The following CCNA1 variants were observed in gnomAD, a reference collection of about 807,000 sequenced individuals.
The protein encoded by CCNA1 is cyclin A1.
CCNA1 carries 23 observed loss-of-function variants against 54.1 expected under a neutral mutation model. The observed-to-expected ratio is 0.42, with a 90% CI of 0.31 to 0.60. The LOEUF (loss-of-function observed/expected upper bound fraction) is 0.60. Among genes scored for constraint, CCNA1 ranks in the 20% least tolerant of loss-of-function variants. The pLI, the probability that CCNA1 is intolerant of heterozygous loss-of-function variation, is 0.14. For missense variants in CCNA1, 450 were observed against 556.7 expected (o/e 0.81, Z 1.93); for synonymous variants, 208 against 213.9 (o/e 0.97, Z 0.24).
intron 4 of CCNA1, among the ~76,000 whole-genome samples, chr13:36,438,419 C>T (rs572951107): frequency 6.6e-6 from 1 of 152,180 alleles, no homozygotes; most frequent in Admixed American, 6.5e-5. Context: ...AGGAATAATT[C>T]ATATTGCCAT....
At position 36,432,514 on chromosome 13, in the gene CCNA1, A is replaced by G. The variant is rs1372314992; in HGVS notation, c.-108A>G. On this transcript the variant is annotated 5_prime_UTR_variant, in exon 1 of 9. Transcript: ENST00000255465. ...CTTGCCAGTTGTTCCGGACACATAG[A>G]AAGATAACGACGGGAAGAGCGGGGC... 1 of 656,424 alleles carries G rather than the reference A, an allele frequency of 1.5e-6. No homozygotes were observed. Among genetic ancestry groups the G allele is most frequent in the Non-Finnish European group, 2.7e-6 (1 of 376,498 alleles). 40.7% of individuals were successfully genotyped at this position (656,424 alleles called of 1,614,324 possible).
At position 36,432,706 on chromosome 13, in the gene CCNA1, G is replaced by T; in HGVS notation, c.85G>T (p.Gly29Trp). ...AGAGTATCTCAGCTGGGAAGGACCGGGGCTCCCAGATTTCGTCTTCCAGGT... is the reference window on the plus strand; with the variant it reads ...AGAGTATCTCAGCTGGGAAGGACCGTGGCTCCCAGATTTCGTCTTCCAGGT... The change falls in exon 1 of 9, where the codon GGG becomes TGG. Residue 29 changes from glycine (G) to tryptophan (W), a missense_variant. Physicochemically the swap from Gly to Trp is radical, Grantham distance 184 (BLOSUM62 -2). This residue lies in a region of CCNA1 where 103 missense variants were observed against 100.9 expected (regional missense o/e 1.02). Coordinates refer to ENST00000255465, the MANE Select transcript of CCNA1 (RefSeq NM_003914.4). 1 of 1,611,746 alleles carries T rather than the reference G, an allele frequency of 6.2e-7. No individual in the cohort carries two copies. The highest frequency in any genetic ancestry group is 2.2e-5 in the East Asian group (1 of 44,846).
rs767819747 is a variant in CCNA1, at chr13:36,440,054, A to G, written c.969A>G (p.Gln323=). 4 of 1,613,728 alleles carry G rather than the reference A, an allele frequency of 2.5e-6. No homozygotes were observed. In the African/African-American group the frequency reaches 4.0e-5, roughly 16 times the overall value. Residue 323 remains glutamine, a synonymous_variant, in exon 6 of 9, where the codon CAA becomes CAG. Coordinates refer to ENST00000255465, the MANE Select transcript of CCNA1 (RefSeq NM_003914.4). ...CCGATGATACATACACAAAACGACAACTGTTAAAAATGGAACACTTGCTTC... is the reference window on the plus strand; with the variant it reads ...CCGATGATACATACACAAAACGACAGCTGTTAAAAATGGAACACTTGCTTC...
rs1272708294 is a variant in CCNA1, at chr13:36,440,017, T to C, written c.932T>C (p.Phe311Ser). ...ATATATCCTCCTGAAGTAGACGAGT[T>C]TGTCTATATCACCGATGATACATAC... The change falls in exon 6 of 9, where the codon TTT (phenylalanine) becomes TCT (serine). Residue 311 changes from phenylalanine (F) to serine (S), a missense_variant. Physicochemically the swap from Phe to Ser is radical, Grantham distance 155 (BLOSUM62 -2). Coordinates refer to ENST00000255465, the MANE Select transcript of CCNA1 (RefSeq NM_003914.4). 1.2e-6 allele frequency: 2 copies of C among 1,613,154 alleles called. No individual in the cohort carries two copies. The highest frequency in any genetic ancestry group is 1.7e-6 in the Non-Finnish European group (2 of 1,179,220).
chr13:36,442,481 C>G lies in CCNA1; in HGVS notation c.1347-133C>G, dbSNP rs529074543. On this transcript the variant is annotated intron_variant, in intron 8 of 8. Coordinates refer to ENST00000255465, the MANE Select transcript of CCNA1 (RefSeq NM_003914.4). ...AAGACCTAGATTTATAATTTGTCAG[C>G]TTTTAATACTTGTAGTCAGCCAGCT... is the stretch of plus-strand genomic sequence containing the variant. The G allele has an allele frequency of 1.1e-3, 1,233 of 1,096,326 alleles. 7 individuals are homozygous for G. The highest frequency in any genetic ancestry group is 8.2e-4 in the Non-Finnish European group (613 of 747,888). The allele number at this position is 1,096,326 out of a possible 1,614,324, so 67.9% of individuals were successfully genotyped here. A position where few individuals can be genotyped will look rare whatever the true frequency, so the allele number is the denominator to read the frequency against.
chr13:36,441,390 A>G (rs528366145), intron 7 of CCNA1, among the ~76,000 whole-genome samples, 159 bp downstream of exon 7: 3 of 152,154 alleles, frequency 2.0e-5, no homozygotes, highest in Non-Finnish European at 4.4e-5. Flanking sequence ...CTTTGACTCA[A>G]TGGCTTCACT....
rs1418517174 is a variant in CCNA1 at position 36,437,792 on chromosome 13, A to T, written c.461A>T (p.Glu154Val). ...GACAGAGACAGCTGCTCGGTCAGAG[A>T]GGGGATGGCATTTGAGGATGTGTAT... The change falls in exon 3 of 9, where the codon GAG (glutamate) becomes GTG (valine). Residue 154 changes from glutamate (E) to valine (V), a missense_variant. This residue lies in a region of CCNA1 where 103 missense variants were observed against 92.9 expected (regional missense o/e 1.11). Coordinates refer to ENST00000255465, the MANE Select transcript of CCNA1 (RefSeq NM_003914.4). 3.1e-6 allele frequency: 5 copies of T among 1,614,100 alleles called. No homozygotes were observed. Among genetic ancestry groups the T allele is most frequent in the Non-Finnish European group, 4.2e-6 (5 of 1,180,018 alleles).
At chr13:36,432,970 T>A in intron 1 of CCNA1, 63 bp from the exon 2 acceptor site, 1 of 1,495,940 alleles carries the variant, frequency 6.7e-7, no homozygotes, top group Non-Finnish European at 9.2e-7. Flanking sequence ...GTTCGCTGTG[T>A]CCTTGGAGCC....
At position 36,438,775 on chromosome 13, in the gene CCNA1, G is replaced by A. The variant is rs1165372501; in HGVS notation, c.801G>A (p.Leu267=). 1 of 1,614,078 alleles carries A rather than the reference G, an allele frequency of 6.2e-7. No individual in the cohort carries two copies. The highest frequency in any genetic ancestry group is 1.7e-5 in the Admixed American group (1 of 60,004). The change falls in exon 5 of 9, where the codon CTG becomes CTA. Residue 267 remains leucine, a synonymous_variant. Coordinates refer to ENST00000255465, the MANE Select transcript of CCNA1 (RefSeq NM_003914.4). ...AACTTCGAGCAGAGACCCTGTATCTGGCTGTCAACTTCCTGGACAGGTTCC... is the reference window on the plus strand; with the variant it reads ...AACTTCGAGCAGAGACCCTGTATCTAGCTGTCAACTTCCTGGACAGGTTCC...
In CCNA1 at chr13:36,437,853, C is replaced by G. The variant is rs1438591756; in HGVS notation, c.522C>G (p.His174Gln). The G allele has an allele frequency of 6.2e-6, 10 of 1,613,746 alleles. No individual in the cohort carries two copies. The South Asian group carries it at 8.8e-5, about 14-fold the overall frequency. The change falls in exon 3 of 9, where the codon CAC (histidine) becomes CAG (glutamine). Residue 174 changes from histidine (H) to glutamine (Q), a missense_variant. By Grantham distance (24) the His-to-Gln change is conservative. Coordinates refer to ENST00000255465, the MANE Select transcript of CCNA1 (RefSeq NM_003914.4). ...CCGGCACACTCAAGTCAGACCTGCA[C>G]TTCCTGCTGGATTTCAACACAGGTA...
Position 36,438,064 on chromosome 13 carries a change from C to A in CCNA1, c.545-3C>A. The A allele has an allele frequency of 6.2e-7, 1 of 1,611,774 alleles. No homozygotes were observed. Among genetic ancestry groups the A allele is most frequent in the Admixed American group, 1.7e-5 (1 of 59,534 alleles). ...GTTATCTGACAGTGTTGAACTCTTG[C>A]AGTTTCCCCTATGCTGGTAGATTCA... On this transcript the variant is annotated splice_region_variant and splice_polypyrimidine_tract_variant and intron_variant, in intron 3 of 8. Transcript: ENST00000255465.
Position 36,440,145 on chromosome 13 carries a change from C to T in CCNA1, c.1060C>T (p.Arg354Ter), listed in dbSNP as rs1285554055. ...CCAGTTTCTCCTTCAGTACTTGAGGCGACAAGGAGTGTGCGTCAGGACTGA... is the reference window on the plus strand; with the variant it reads ...CCAGTTTCTCCTTCAGTACTTGAGGTGACAAGGAGTGTGCGTCAGGACTGA... Residue 354 changes from arginine (R) to a stop codon, truncating the protein, a stop_gained, in exon 6 of 9, where the codon CGA becomes TGA. Coordinates refer to ENST00000255465, the MANE Select transcript of CCNA1 (RefSeq NM_003914.4). LOFTEE classifies it high-confidence loss of function. 4 of 1,614,058 alleles carry T rather than the reference C, an allele frequency of 2.5e-6. No individual in the cohort carries two copies. The highest frequency in any genetic ancestry group is 3.4e-6 in the Non-Finnish European group (4 of 1,179,942).
At chr13:36,442,570 A>G in intron 8 of CCNA1, 44 bp from the exon 9 acceptor site, 1 of 1,605,900 alleles carries the variant, frequency 6.2e-7, no homozygotes, top group Non-Finnish European at 8.5e-7. Context: ...TTATCAAACC[A>G]AAGTCCTTGG....
chr13:36,440,108 A>T lies in CCNA1; in HGVS notation c.1023A>T (p.Val341=), dbSNP rs566648386. Residue 341 remains valine (V), a synonymous_variant, in exon 6 of 9, where the codon GTA becomes GTT. Transcript: ENST00000255465. ...AAGTTCTAGCTTTTGATCTGACAGT[A>T]CCAACCACCAACCAGTTTCTCCTTC... 1 of 1,613,994 alleles carries T rather than the reference A, an allele frequency of 6.2e-7. No individual in the cohort carries two copies. Among genetic ancestry groups the T allele is most frequent in the South Asian group, 1.1e-5 (1 of 91,084 alleles).
intron 1 of CCNA1, 88 bp downstream of exon 1, chr13:36,432,817 T>A: frequency 9.7e-7 from 1 of 1,034,348 alleles, no homozygotes. Context: ...ATAAAAAGCC[T>A]CCCTCAGGGA....
intron 7 of CCNA1, among the ~76,000 whole-genome samples, chr13:36,441,875 A>T (rs2055878994): frequency 6.6e-6 from 1 of 152,078 alleles, no homozygotes; most frequent in Non-Finnish European, 1.5e-5. Context: ...GTACAAATAG[A>T]ATGGTCAGGC....
intron 5 of CCNA1, among the ~76,000 whole-genome samples, chr13:36,439,296 A>ATCAT (rs1167840717): frequency 6.6e-6 from 1 of 152,234 alleles, no homozygotes; most frequent in Non-Finnish European, 1.5e-5. Context: ...TCCTGTTACT[A>ATCAT]TCATTCATTC....
intron 2 of CCNA1, among the ~76,000 whole-genome samples, chr13:36,433,434 C>CTTTCTTTCT (rs1566169653): frequency 8.2e-5 from 8 of 97,046 alleles, no homozygotes; most frequent in African/African-American, 2.8e-4. Flanking sequence ...TTCTTTCTTT[C>CTTTCTTTCT]TTTCTTTCGT....
rs1461316576 is a variant in CCNA1 at position 36,442,650 on chromosome 13, T to A, written c.1383T>A (p.Val461=). 6.2e-7 allele frequency: 1 copy of A among 1,613,800 alleles called. No individual in the cohort carries two copies. The highest frequency in any genetic ancestry group is 2.2e-5 in the East Asian group (1 of 44,874). The stretch of plus-strand genomic sequence containing the variant: ...TGTCCCTCATGGAGCCACCTGCAGT[T>A]CTTCTTCTACAATAAGTTTCTGAAT... The change falls in exon 9 of 9, where the codon GTT becomes GTA. Residue 461 remains valine, a synonymous_variant. Transcript: ENST00000255465.
Sources: gnomAD v4.1 joint callset for allele counts (sites outside exome capture counted in the v4.1 genomes callset) on GRCh38, gnomAD v4.1.1 for gene constraint, gnomAD v4.1.1 regional missense constraint, MANE v1.5 for transcripts, NCBI Gene and HGNC (gene_info 2026-07-23, HGNC 2026-07-21) for gene names.